Variants in CA2 observed in about 807,000 individuals in gnomAD.
CA2 encodes carbonate dehydratase II.
A neutral mutation model predicts 27.8 loss-of-function variants in CA2; 23 were observed. The ratio of observed to expected loss-of-function variants is 0.83; its 90% CI spans 0.59 to 1.17. The LOEUF (loss-of-function observed/expected upper bound fraction) is 1.17. CA2 is among the 50% of genes most tolerant of loss of function. CA2 has a pLI of 0.00. For synonymous variants in CA2, 99 were observed against 114.9 expected (o/e 0.86, Z 0.88); for missense variants, 300 against 314.7 (o/e 0.95, Z 0.35).
At position 85,473,849 on chromosome 8, in the gene CA2, G is replaced by C. The variant is rs1418778183; in HGVS notation, c.351+38G>C. The C allele has an allele frequency of 3.6e-6, 4 of 1,106,248 alleles. No homozygotes were observed. In the African/African-American group the frequency reaches 6.2e-5, roughly 17 times the overall value. The allele number at this position is 1,106,248 out of a possible 1,614,324, so 68.5% of individuals were successfully genotyped here. ...TTTTTTTTTCTTTCCAGGGAAAAAT[G>C]TTTATAAGTTGATATTTAGCATTAA... On this transcript the variant is annotated intron_variant, in intron 3 of 6. Coordinates refer to ENST00000285379, the MANE Select transcript of CA2 (RefSeq NM_000067.3).
Position 85,464,134 on chromosome 8 carries a change from C to T in CA2, c.34+19C>T, listed in dbSNP as rs1219478620. ...CACAACGGTGAGTGCCGGCGACGGC[C>T]AGCGCGGGGGCGCCCCGATCCCCGA... On this transcript the variant is annotated intron_variant, in intron 1 of 6. Coordinates refer to ENST00000285379, the MANE Select transcript of CA2 (RefSeq NM_000067.3). 4 of 1,535,434 alleles carry T rather than the reference C, an allele frequency of 2.6e-6. No homozygotes were observed. The highest frequency in any genetic ancestry group is 5.0e-5 in the East Asian group (2 of 39,742).
chr8:85,465,156 A>C lies in CA2; in HGVS notation c.35-116A>C, dbSNP rs187908775. The C allele has an allele frequency of 2.4e-4, 192 of 794,980 alleles. No individual in the cohort carries two copies. In the East Asian group the frequency reaches 4.3e-3, roughly 18 times the overall value. The allele number at this position is 794,980 out of a possible 1,614,324, so 49.2% of individuals were successfully genotyped here. A position where few individuals can be genotyped will look rare whatever the true frequency, so the allele number is the denominator to read the frequency against. The stretch of plus-strand genomic sequence containing the variant: ...TTTCCCAAAATTTAGCCCATTGTTA[A>C]GTGATGCTTCTAAAATTGGAACTGA... On this transcript the variant is annotated intron_variant, in intron 1 of 6. Coordinates refer to ENST00000285379, the MANE Select transcript of CA2 (RefSeq NM_000067.3).
chr8:85,464,145 C>T (rs906041052), intron 1 of CA2, 30 bp downstream of exon 1: 3 of 1,527,324 alleles, frequency 2.0e-6, no homozygotes, highest in Admixed American at 2.0e-5. Flanking sequence ...AGCGCGGGGG[C>T]GCCCCGATCC....
At chr8:85,469,236 C>A (rs1811678554) in intron 2 of CA2, among the ~76,000 whole-genome samples, 1 of 152,072 alleles carries the variant, frequency 6.6e-6, no homozygotes, top group Admixed American at 6.6e-5. Flanking sequence ...TTATTTCCTG[C>A]ATTTAAATGC....
At chr8:85,465,858 C>A (rs1047197945) in intron 2 of CA2, among the ~76,000 whole-genome samples, 1 of 152,164 alleles carries the variant, frequency 6.6e-6, no homozygotes, top group Non-Finnish European at 1.5e-5. Context: ...AAAAGTATAT[C>A]TTAGTGAGCC....
At position 85,473,758 on chromosome 8, in the gene CA2, C is replaced by T. The variant is rs746424594; in HGVS notation, c.298C>T (p.Leu100Phe). ...LIQFHFHWGS[L>F]DGQGSEHTVD... ...TCAGTTTCACTTTCACTGGGGTTCA[C>T]TTGATGGACAAGGTTCAGAGCATAC... Residue 100 changes from leucine to phenylalanine, a missense_variant, in exon 3 of 7, where the codon CTT becomes TTT. Around this residue, in one of 3 missense-constraint regions of CA2, gnomAD observed 122 missense variants for 133.2 expected, o/e 0.92. Coordinates refer to ENST00000285379, the MANE Select transcript of CA2 (RefSeq NM_000067.3). 2.5e-6 allele frequency: 4 copies of T among 1,612,644 alleles called. No individual in the cohort carries two copies. Among genetic ancestry groups the T allele is most frequent in the Non-Finnish European group, 3.4e-6 (4 of 1,178,788 alleles).
chr8:85,464,785 G>A (rs755953078), intron 1 of CA2: 1 of 160,250 alleles, frequency 6.2e-6, no homozygotes, highest in Non-Finnish European at 1.4e-5. Context: ...GGCGCACCTA[G>A]CGCATCTTTG....
intron 2 of CA2, 31 bp from the exon 3 acceptor site, chr8:85,473,662 T>A: frequency 9.6e-7 from 1 of 1,043,018 alleles, no homozygotes; most frequent in South Asian, 1.3e-5. Context: ...CATACATATA[T>A]GTTACATATA....
At chr8:85,478,479 AT>A (rs894675178) in intron 6 of CA2, among the ~76,000 whole-genome samples, 41 of 151,870 alleles carry the variant, frequency 2.7e-4, no homozygotes, top group Non-Finnish European at 4.4e-5. Context: ...TAAAACATGA[AT>A]TTTTTTTTCT....
intron 2 of CA2, among the ~76,000 whole-genome samples, chr8:85,468,682 C>T (rs368973618): frequency 1.3e-5 from 2 of 152,266 alleles, no homozygotes; most frequent in East Asian, 3.9e-4. Flanking sequence ...ATCGCTGGAT[C>T]CCGGGAGGCG....
At position 85,464,018 on chromosome 8, in the gene CA2, G is replaced by A; in HGVS notation, c.-64G>A. 2 of 1,512,478 alleles carry A rather than the reference G, an allele frequency of 1.3e-6. No homozygotes were observed. The highest frequency in any genetic ancestry group is 1.8e-6 in the Non-Finnish European group (2 of 1,122,976). 93.7% of individuals were successfully genotyped at this position (1,512,478 alleles called of 1,614,324 possible). ...CGCGACCCGCGGACACACAGTGCAG[G>A]CGCCCAAGCCGCCGCCGCCAGATCG... is the stretch of plus-strand genomic sequence containing the variant. On this transcript the variant is annotated 5_prime_UTR_variant, in exon 1 of 7. Coordinates refer to ENST00000285379, the MANE Select transcript of CA2 (RefSeq NM_000067.3).
Position 85,473,854 on chromosome 8 carries a change from TAAG to T in CA2, c.351+44_351+46del, listed in dbSNP as rs771065474. Reference sequence around the variant, plus strand: ...TTTTCTTTCCAGGGAAAAATGTTTATAAGTTGATATTTAGCATTAATTTCAAAA... The same window carrying T: ...TTTTCTTTCCAGGGAAAAATGTTTATTTGATATTTAGCATTAATTTCAAAA... On this transcript the variant is annotated intron_variant, in intron 3 of 6. Transcript: ENST00000285379. 6 of 1,059,834 alleles carry T rather than the reference TAAG, an allele frequency of 5.7e-6. 1 individual carries two copies. In the South Asian group the frequency reaches 7.5e-5, roughly 13 times the overall value. The allele number at this position is 1,059,834 out of a possible 1,614,324, so 65.7% of individuals were successfully genotyped here.
At chr8:85,479,956 G>T (rs1224187228) in intron 6 of CA2, among the ~76,000 whole-genome samples, 2 of 152,162 alleles carry the variant, frequency 1.3e-5, no homozygotes, top group Non-Finnish European at 2.9e-5. Flanking sequence ...TAATTGTATG[G>T]ATGTGGTAGT....
intron 2 of CA2, among the ~76,000 whole-genome samples, chr8:85,472,502 A>G (rs1055855206): frequency 1.3e-5 from 2 of 152,158 alleles, no homozygotes; most frequent in African/African-American, 2.4e-5. Flanking sequence ...GATTTTTGTT[A>G]CTGATTTTGC....
At chr8:85,464,435 C>G in intron 1 of CA2, 1 of 346,354 alleles carries the variant, frequency 2.9e-6, no homozygotes, top group Non-Finnish European at 5.1e-6. Context: ...GGGTCCCGAC[C>G]TGGGGATCAT....
In CA2 at chr8:85,471,385, C is replaced by CT. The variant is rs35626325; in HGVS notation, c.233-2295dup. ...AATCATTGAGCCCAGAGCACTTTAT[C>CT]TTTTTTTTTTTTTAGTGTTAGCTGT... On this transcript the variant is annotated intron_variant, in intron 2 of 6. Transcript: ENST00000285379. 1.6e-4 allele frequency among the ~76,000 whole-genome samples: 24 copies of CT among 150,334 alleles called. No homozygotes were observed. In the South Asian group the frequency reaches 2.1e-3, roughly 13 times the overall value.
chr8:85,478,836 C>T (rs1384391212), intron 6 of CA2, among the ~76,000 whole-genome samples: 1 of 152,220 alleles, frequency 6.6e-6, no homozygotes, highest in Non-Finnish European at 1.5e-5. Context: ...TTGGTGACTT[C>T]ATCCTCAAGG....
At chr8:85,478,349 G>A (rs370222798) in intron 6 of CA2, among the ~76,000 whole-genome samples, 12 of 152,316 alleles carry the variant, frequency 7.9e-5, no homozygotes, top group African/African-American at 2.9e-4. Flanking sequence ...AGCATGCTTG[G>A]TATGTCACTT....
intron 2 of CA2, among the ~76,000 whole-genome samples, chr8:85,471,877 C>T (rs1487880821): frequency 6.6e-6 from 1 of 152,012 alleles, no homozygotes; most frequent in Non-Finnish European, 1.5e-5. Flanking sequence ...AGGAAACAAA[C>T]TGTTGTAATA....
Sources: gnomAD v4.1 joint callset for allele counts (sites outside exome capture counted in the v4.1 genomes callset) on GRCh38, gnomAD v4.1.1 for gene constraint, gnomAD v4.1.1 regional missense constraint, MANE v1.5 for transcripts, NCBI Gene and HGNC (gene_info 2026-07-23, HGNC 2026-07-21) for gene names.